Variants in SLFN12L observed in about 807,000 individuals in gnomAD.
SLFN12L encodes schlafen family member 12-like.
SLFN12L carries 34 observed loss-of-function variants against 34.8 expected under a neutral mutation model. The observed-to-expected ratio is 0.98, with a 90% CI of 0.74 to 1.30. SLFN12L has a LOEUF of 1.30. Ranked by LOEUF, SLFN12L falls within the 50% of genes most tolerant of loss-of-function variation. SLFN12L has a pLI of 0.00. For synonymous variants in SLFN12L, 259 were observed against 247.5 expected (o/e 1.05, Z -0.44); for missense variants, 703 against 696.2 (o/e 1.01, Z -0.11).
In SLFN12L at chr17:35,480,041, G is replaced by A. The variant is rs1244986018; in HGVS notation, c.241C>T (p.Gln81Ter). 1.2e-6 allele frequency: 2 copies of A among 1,614,126 alleles called. No homozygotes were observed. Among genetic ancestry groups the A allele is most frequent in the East Asian group, 2.2e-5 (1 of 44,888 alleles). Reference sequence around the variant, plus strand: ...GCTCGTGAGACATTTTCATTCTGCTGTTTTCTCAGTTGACAATCCTTCATT... The same window carrying A: ...GCTCGTGAGACATTTTCATTCTGCTATTTTCTCAGTTGACAATCCTTCATT... ...KKMKDCQLRK[Q>*]QNENVSRAVC... is the part of the protein sequence containing the mutation. The change falls in exon 3 of 5, where the codon CAG becomes TAG. Residue 81 changes from glutamine (Q) to a stop codon, truncating the protein, a stop_gained. Transcript: ENST00000628453. LOFTEE classifies it high-confidence loss of function.
intron 2 of SLFN12L, among the ~76,000 whole-genome samples, chr17:35,508,216 GAGCTGTAAGCCCTTAA>G (rs1915526160): frequency 6.6e-6 from 1 of 152,208 alleles, no homozygotes; most frequent in Non-Finnish European, 1.5e-5. Flanking sequence ...GACCCCCTTA[GAGCTGTAAGCCCTTAA>G]AAGGGACAGG....
At position 35,474,698 on chromosome 17, in the gene SLFN12L, G is replaced by GT. The variant is rs1241544945; in HGVS notation, c.*224dup. ...GCACTTTGGGAGACCGGGGGGGGGGGTTGAATCACGAGGTCAGGAGTTCAA... is the reference window on the plus strand; with the variant it reads ...GCACTTTGGGAGACCGGGGGGGGGGGTTTGAATCACGAGGTCAGGAGTTCAA... On this transcript the variant is annotated 3_prime_UTR_variant, in exon 5 of 5. Coordinates refer to ENST00000628453, the MANE Select transcript of SLFN12L (RefSeq NM_001363830.2). 9.3e-6 allele frequency: 3 copies of GT among 322,116 alleles called. No individual in the cohort carries two copies. Among genetic ancestry groups the GT allele is most frequent in the Non-Finnish European group, 1.7e-5 (3 of 181,284 alleles). The allele number at this position is 322,116 out of a possible 1,614,324, so 20.0% of individuals were successfully genotyped here.
chr17:35,505,229 CCCTGGGGCTACATGACCTGA>C, intron 2 of SLFN12L, among the ~76,000 whole-genome samples: 1 of 152,140 alleles, frequency 6.6e-6, no homozygotes, highest in African/African-American at 2.4e-5. Context: ...TCGGCCCCAG[CCCTGGGGCTACATGACCTGA>C]CAAAATCTTT....
In SLFN12L at chr17:35,474,251, A is replaced by C. The variant is rs1182291628; in HGVS notation, c.*672T>G. 1.3e-5 allele frequency: 2 copies of C among 152,240 alleles called. No individual in the cohort carries two copies. The highest frequency in any genetic ancestry group is 2.9e-5 in the Non-Finnish European group (2 of 68,048). 9.4% of individuals were successfully genotyped at this position (152,240 alleles called of 1,614,324 possible). ...GTTTTCAAGAAGATATTAGAGAACT[A>C]TGTTTTCCATGTCCATTGGATAAGA... On this transcript the variant is annotated 3_prime_UTR_variant, in exon 5 of 5. Coordinates refer to ENST00000628453, the MANE Select transcript of SLFN12L (RefSeq NM_001363830.2).
intron 2 of SLFN12L, among the ~76,000 whole-genome samples, chr17:35,492,569 C>T (rs572966790): frequency 1.3e-4 from 20 of 152,296 alleles, no homozygotes; most frequent in Non-Finnish European, 2.5e-4. Flanking sequence ...GGCCAGACCC[C>T]GTTCCCCTTC....
intron 2 of SLFN12L, among the ~76,000 whole-genome samples, chr17:35,514,315 A>G (rs1420854157): frequency 6.6e-6 from 1 of 152,244 alleles, no homozygotes; most frequent in Non-Finnish European, 1.5e-5. Flanking sequence ...AAATGGAATC[A>G]TCACCTCAAA....
At chr17:35,525,764 T>C (rs767887447) in intron 1 of SLFN12L, among the ~76,000 whole-genome samples, 3 of 152,122 alleles carry the variant, frequency 2.0e-5, no homozygotes, top group Non-Finnish European at 2.9e-5. Context: ...ACATACCAAA[T>C]TGTAAAGACC....
intron 2 of SLFN12L, among the ~76,000 whole-genome samples, chr17:35,492,955 A>AGG (rs200312822): frequency 3.4e-5 from 3 of 88,892 alleles, no homozygotes; most frequent in African/African-American, 1.1e-4. Context: ...AATATCCCTT[A>AGG]GGGGAAAAAA....
At chr17:35,482,074 C>T (rs1208743471) in intron 2 of SLFN12L, among the ~76,000 whole-genome samples, 2 of 152,184 alleles carry the variant, frequency 1.3e-5, no homozygotes, top group Admixed American at 1.3e-4. Flanking sequence ...GTTGGCCAGG[C>T]TGGTCTCGAT....
intron 1 of SLFN12L, among the ~76,000 whole-genome samples, chr17:35,527,076 A>G (rs1392014920): frequency 6.6e-6 from 1 of 152,232 alleles, no homozygotes; most frequent in Non-Finnish European, 1.5e-5. Flanking sequence ...AGAATACTGT[A>G]AACACCTCTA....
At chr17:35,490,917 A>G (rs919563767) in intron 2 of SLFN12L, 53 of 801,162 alleles carry the variant, frequency 6.6e-5, no homozygotes, top group South Asian at 4.4e-4. Flanking sequence ...AACAACCAAG[A>G]CCCCAATGGG....
At chr17:35,492,956 G>A (rs1314898342) in intron 2 of SLFN12L, among the ~76,000 whole-genome samples, 5 of 70,562 alleles carry the variant, frequency 7.1e-5, no homozygotes, top group Admixed American at 6.0e-4. Context: ...ATATCCCTTA[G>A]GGGAAAAAAA....
chr17:35,519,682 TTCTGAC>T (rs1245180708), intron 2 of SLFN12L, among the ~76,000 whole-genome samples: 2 of 152,086 alleles, frequency 1.3e-5, no homozygotes, highest in Admixed American at 1.3e-4. Context: ...GGCAAACACT[TTCTGAC>T]TCATACAGTC....
chr17:35,490,665 G>A, intron 2 of SLFN12L: 1 of 999,858 alleles, frequency 1.0e-6, no homozygotes, highest in Non-Finnish European at 1.6e-6. Flanking sequence ...GCTGCACGCT[G>A]GACCTCAAAC....
intron 2 of SLFN12L, among the ~76,000 whole-genome samples, chr17:35,493,117 G>A (rs1217031825): frequency 2.0e-5 from 3 of 152,128 alleles, no homozygotes; most frequent in African/African-American, 7.2e-5. Context: ...TGTATGTTTG[G>A]GAAGAAAAAC....
rs185865683 is a variant in SLFN12L, at chr17:35,469,196, C to G, written c.*5727G>C. 6.7e-6 allele frequency among the ~76,000 whole-genome samples: 1 copy of G among 149,836 alleles called. No individual in the cohort carries two copies. The highest frequency in any genetic ancestry group is 2.5e-5 in the African/African-American group (1 of 40,464). The stretch of plus-strand genomic sequence containing the variant: ...GTGTCTCTGACCATGACCACTCCTC[C>G]TTGGTTATACACACACGCTAGTCTA... On this transcript the variant is annotated 3_prime_UTR_variant, in exon 5 of 5. Transcript: ENST00000628453.
intron 2 of SLFN12L, among the ~76,000 whole-genome samples, chr17:35,484,864 A>G (rs1191354395): frequency 6.6e-6 from 1 of 152,184 alleles, no homozygotes; most frequent in Non-Finnish European, 1.5e-5. Flanking sequence ...CATCTGGTCC[A>G]TGGCCTTTCT....
chr17:35,479,905 C>G lies in SLFN12L; in HGVS notation c.377G>C (p.Ser126Thr). ...ATTAGGAACAAATGGCAGCATGTTA[C>G]TAAAAGAATTTTCCAAATCTAGCCC... ...GIGLDLENSF[S>T]NMLPFVPNFL... The change falls in exon 3 of 5, where the codon AGT becomes ACT. Residue 126 changes from serine to threonine, a missense_variant. Ser to Thr is a moderately conservative substitution (Grantham distance 58). Coordinates refer to ENST00000628453, the MANE Select transcript of SLFN12L (RefSeq NM_001363830.2). 6.2e-7 allele frequency: 1 copy of G among 1,613,150 alleles called. No homozygotes were observed.
chr17:35,489,982 T>G, intron 2 of SLFN12L: 1 of 1,529,816 alleles, frequency 6.5e-7, no homozygotes, highest in Non-Finnish European at 9.0e-7. Flanking sequence ...CCTTAGCAAA[T>G]TGGGAATAGA....
Sources: gnomAD v4.1 joint callset for allele counts (sites outside exome capture counted in the v4.1 genomes callset) on GRCh38, gnomAD v4.1.1 for gene constraint, MANE v1.5 for transcripts, NCBI Gene and HGNC (gene_info 2026-07-23, HGNC 2026-07-21) for gene names.